Variants in ADNP observed in about 807,000 individuals in gnomAD.
ADNP encodes the protein activity-dependent neuroprotector homeobox protein.
ADNP carries 4 observed loss-of-function variants against 84.9 expected under a neutral mutation model. The ratio of observed to expected loss-of-function variants is 0.05; its 90% CI spans 0.02 to 0.11. ADNP has a LOEUF of 0.11. Ranked by LOEUF, ADNP falls within the 10% of genes least tolerant of loss-of-function variation. ADNP has a pLI of 1.00. For synonymous variants in ADNP, 554 were observed against 468.1 expected (o/e 1.18, Z -2.37); for missense variants, 1,132 against 1,326.0 (o/e 0.85, Z 2.27).
At chr20:50,900,325 T>C (rs1426056721) in intron 5 of ADNP, among the ~76,000 whole-genome samples, 1 of 152,208 alleles carries the variant, frequency 6.6e-6, no homozygotes, top group Non-Finnish European at 1.5e-5. Flanking sequence ...CCATATAGCG[T>C]AGGGGTAATA....
chr20:50,930,210 G>A (rs1227308909), intron 1 of ADNP, among the ~76,000 whole-genome samples: 1 of 152,226 alleles, frequency 6.6e-6, no homozygotes, highest in African/African-American at 2.4e-5. Context: ...ATGTTCGAAA[G>A]AGGTGCTGAC....
intron 2 of ADNP, among the ~76,000 whole-genome samples, chr20:50,924,142 G>A (rs1984139485): frequency 6.6e-6 from 1 of 152,188 alleles, no homozygotes; most frequent in Non-Finnish European, 1.5e-5. Context: ...GTAAAAGCCA[G>A]CAATTATCTA....
In ADNP at chr20:50,890,790, C is replaced by G; in HGVS notation, c.*615G>C. The stretch of plus-strand genomic sequence containing the variant: ...GGTTATGTGCAAAAACTAAGTCTGT[C>G]CAAAAAGTCCATACTAGCGCAGTTT... On this transcript the variant is annotated 3_prime_UTR_variant, in exon 6 of 6. Coordinates refer to ENST00000621696, the MANE Select transcript of ADNP (RefSeq NM_001282531.3). 3 of 434,262 alleles carry G rather than the reference C, an allele frequency of 6.9e-6. No homozygotes were observed. The highest frequency in any genetic ancestry group is 9.2e-6 in the Non-Finnish European group (3 of 326,260). 26.9% of individuals were successfully genotyped at this position (434,262 alleles called of 1,614,324 possible).
intron 2 of ADNP, among the ~76,000 whole-genome samples, chr20:50,918,831 A>T (rs1252561142): frequency 6.6e-6 from 1 of 152,206 alleles, no homozygotes; most frequent in African/African-American, 2.4e-5. Flanking sequence ...AATGATGAAA[A>T]ATTTAATTTT....
At chr20:50,925,291 C>T (rs1443635885) in intron 2 of ADNP, among the ~76,000 whole-genome samples, 1 of 150,230 alleles carries the variant, frequency 6.7e-6, no homozygotes, top group East Asian at 1.9e-4. Context: ...CACACACACA[C>T]TACATAATCA....
chr20:50,894,732 TA>T (rs2122766927), intron 5 of ADNP, among the ~76,000 whole-genome samples: 1 of 152,080 alleles, frequency 6.6e-6, no homozygotes, highest in East Asian at 1.9e-4. Context: ...CCATCTCAAC[TA>T]AAAATACAAA....
chr20:50,930,418 C>T (rs1413294738), intron 1 of ADNP, among the ~76,000 whole-genome samples: 1 of 150,218 alleles, frequency 6.7e-6, no homozygotes, highest in African/African-American at 2.4e-5. Flanking sequence ...TGGTTCAAGG[C>T]ATGGGGGTGT....
intron 2 of ADNP, among the ~76,000 whole-genome samples, chr20:50,927,584 C>A (rs1984376922): frequency 6.8e-6 from 1 of 147,934 alleles, no homozygotes; most frequent in Non-Finnish European, 1.5e-5. Flanking sequence ...TTGGTAGAGA[C>A]AGGGTCTCAT....
intron 2 of ADNP, among the ~76,000 whole-genome samples, chr20:50,913,191 TGCAGTGA>T (rs1294305858): frequency 7.9e-6 from 1 of 126,870 alleles, no homozygotes; most frequent in Non-Finnish European, 1.6e-5. Flanking sequence ...AGGTGGGGAT[TGCAGTGA>T]GCAGAGATCA....
intron 2 of ADNP, among the ~76,000 whole-genome samples, chr20:50,910,687 C>T (rs752157434): frequency 6.6e-6 from 1 of 152,126 alleles, no homozygotes; most frequent in Non-Finnish European, 1.5e-5. Context: ...GGGTCTCACT[C>T]TGTGTTACCC....
Position 50,891,315 on chromosome 20 carries a change from G to T in ADNP, c.*90C>A. 1 of 1,458,276 alleles carries T rather than the reference G, an allele frequency of 6.9e-7. No individual in the cohort carries two copies. The highest frequency in any genetic ancestry group is 1.4e-5 in the South Asian group (1 of 69,842). 90.3% of individuals were successfully genotyped at this position (1,458,276 alleles called of 1,614,324 possible). A position where few individuals can be genotyped will look rare whatever the true frequency, so the allele number is the denominator to read the frequency against. ...CCCACAGTCCAACCAGTACTCACAA[G>T]GCAGTACCAGTGAGAAGACAGCTTT... is the stretch of plus-strand genomic sequence containing the variant. On this transcript the variant is annotated 3_prime_UTR_variant, in exon 6 of 6. Transcript: ENST00000621696.
chr20:50,920,057 T>C (rs991706690), intron 2 of ADNP, among the ~76,000 whole-genome samples: 2 of 151,262 alleles, frequency 1.3e-5, no homozygotes, highest in African/African-American at 4.9e-5. Flanking sequence ...GATGGGCAGA[T>C]CACGAAGTCA....
chr20:50,920,773 C>T (rs770285341), intron 2 of ADNP, among the ~76,000 whole-genome samples: 10 of 152,094 alleles, frequency 6.6e-5, no homozygotes, highest in Non-Finnish European at 7.4e-5. Context: ...AAGCTTATAG[C>T]CTAAGTCAAA....
Position 50,894,108 on chromosome 20 carries a change from T to G in ADNP, c.606A>C (p.Glu202Asp). The change falls in exon 6 of 6, where the codon GAA (glutamate) becomes GAC (aspartate). Residue 202 changes from glutamate to aspartate, a missense_variant. Transcript: ENST00000621696. ...VAAPYIAKAG[E>D]KSLNGAVPLG... ...AGGGGACTGCCCCATTGAGTGATTTTTCTCCTGCCTTTGCTATGTAAGGTG... is the reference window on the plus strand; with the variant it reads ...AGGGGACTGCCCCATTGAGTGATTTGTCTCCTGCCTTTGCTATGTAAGGTG... The G allele has an allele frequency of 6.2e-7, 1 of 1,614,178 alleles. No individual in the cohort carries two copies.
chr20:50,923,258 C>T (rs1984074404), intron 2 of ADNP, among the ~76,000 whole-genome samples: 1 of 152,206 alleles, frequency 6.6e-6, no homozygotes, highest in Non-Finnish European at 1.5e-5. Flanking sequence ...TTTTGATCCC[C>T]TAATAATACA....
At chr20:50,901,929 A>C (rs988154000) in intron 5 of ADNP, 88 bp downstream of exon 5, 45 of 987,152 alleles carry the variant, frequency 4.6e-5, no homozygotes, top group Non-Finnish European at 6.3e-5. Context: ...ACTTGCCCGC[A>C]ATCACTGCAC....
At position 50,894,482 on chromosome 20, in the gene ADNP, C is replaced by T. The variant is rs2122765289; in HGVS notation, c.232G>A (p.Ala78Thr). Reference protein sequence around the residue: ...DYRTKPFCCSACPFSSKFFSA... With the variant: ...DYRTKPFCCSTCPFSSKFFSA... ...AAGAATTTTGAGGAAAATGGACAAGCGCTGCAGCAGAAAGGTTTTGTCCGA... is the reference window on the plus strand; with the variant it reads ...AAGAATTTTGAGGAAAATGGACAAGTGCTGCAGCAGAAAGGTTTTGTCCGA... The change falls in exon 6 of 6, where the codon GCT becomes ACT. Residue 78 changes from alanine to threonine, a missense_variant. Coordinates refer to ENST00000621696, the MANE Select transcript of ADNP (RefSeq NM_001282531.3). 5 of 1,602,164 alleles carry T rather than the reference C, an allele frequency of 3.1e-6. No homozygotes were observed. Among genetic ancestry groups the T allele is most frequent in the East Asian group, 2.2e-5 (1 of 44,830 alleles).
intron 5 of ADNP, among the ~76,000 whole-genome samples, chr20:50,894,995 C>T (rs1981232080): frequency 6.6e-6 from 1 of 151,936 alleles, no homozygotes; most frequent in Admixed American, 6.6e-5. Flanking sequence ...ATATTTTTGT[C>T]AGTGTAAATT....
intron 2 of ADNP, among the ~76,000 whole-genome samples, chr20:50,919,761 AAAGC>A (rs2122965091): frequency 6.6e-6 from 1 of 152,290 alleles, no homozygotes; most frequent in East Asian, 1.9e-4. Context: ...CAGAGGCCGG[AAAGC>A]AAGGTGTTCT....
Sources: gnomAD v4.1 joint callset for allele counts (sites outside exome capture counted in the v4.1 genomes callset) on GRCh38, gnomAD v4.1.1 for gene constraint, MANE v1.5 for transcripts, NCBI Gene and HGNC (gene_info 2026-07-23, HGNC 2026-07-21) for gene names.